The following THEMIS variants were observed in gnomAD, a reference collection of about 807,000 sequenced individuals.
The protein encoded by THEMIS is protein THEMIS.
A neutral mutation model predicts 52.6 loss-of-function variants in THEMIS; 37 were observed. The observed-to-expected ratio is 0.70, with a 90% CI of 0.54 to 0.93. The LOEUF is 0.93. Ranked by LOEUF, THEMIS falls within the 40% of genes least tolerant of loss-of-function variation. THEMIS has a pLI of 0.00. For synonymous variants in THEMIS, 292 were observed against 272.7 expected (o/e 1.07, Z -0.70); for missense variants, 808 against 763.1 (o/e 1.06, Z -0.69).
intron 2 of THEMIS, among the ~76,000 whole-genome samples, chr6:127,847,935 T>C (rs1248777796): frequency 6.7e-6 from 1 of 149,346 alleles, no homozygotes; most frequent in Non-Finnish European, 1.5e-5. Flanking sequence ...TATTTTATTA[T>C]ACTTTAAGTT....
At chr6:127,861,031 T>C (rs1249032228) in intron 1 of THEMIS, among the ~76,000 whole-genome samples, 3 of 152,162 alleles carry the variant, frequency 2.0e-5, no homozygotes, top group East Asian at 1.9e-4. Flanking sequence ...TTATCTATGA[T>C]TGTGGAACAA....
At chr6:127,728,270 C>A (rs1774623470) in intron 4 of THEMIS, among the ~76,000 whole-genome samples, 1 of 152,166 alleles carries the variant, frequency 6.6e-6, no homozygotes. Context: ...CACTGCTCTT[C>A]CCTCTAGGTC....
chr6:127,816,287 G>T (rs72971392), intron 3 of THEMIS, among the ~76,000 whole-genome samples: 4 of 151,792 alleles, frequency 2.6e-5, no homozygotes, highest in Non-Finnish European at 4.4e-5. Flanking sequence ...CTACACCCAC[G>T]CCTACACTGA....
At chr6:127,868,072 C>T (rs1780039054) in intron 1 of THEMIS, among the ~76,000 whole-genome samples, 1 of 152,090 alleles carries the variant, frequency 6.6e-6, no homozygotes, top group African/African-American at 2.4e-5. Flanking sequence ...GTAATTACTT[C>T]ACCTGTAAAA....
chr6:127,701,131 C>T, the THEMIS span, among the ~76,000 whole-genome samples: 2 of 152,022 alleles, frequency 1.3e-5, no homozygotes, highest in African/African-American at 2.4e-5. Flanking sequence ...TCTCATCACC[C>T]CAGAGACCAC....
At chr6:127,702,804 A>G in the THEMIS span, among the ~76,000 whole-genome samples, 24 of 152,090 alleles carry the variant, frequency 1.6e-4, no homozygotes, top group Admixed American at 1.4e-3. Flanking sequence ...GTGGCAGACA[A>G]GAGAAGAGAG....
intron 1 of THEMIS, among the ~76,000 whole-genome samples, chr6:127,859,492 T>C (rs191385393): frequency 6.6e-5 from 10 of 152,240 alleles, no homozygotes; most frequent in Middle Eastern, 3.4e-3. Flanking sequence ...TAAAACAGTT[T>C]TTTTTATCAC....
chr6:127,787,082 C>T lies in THEMIS; in HGVS notation c.1758+25801G>A, dbSNP rs1583276930. Among the ~76,000 whole-genome samples the T allele has an allele frequency of 2.0e-5, 3 of 152,296 alleles. No homozygotes were observed. The East Asian group carries it at 5.8e-4, about 29-fold the overall frequency. On this transcript the variant is annotated intron_variant, in intron 4 of 5. Coordinates refer to ENST00000368248, the MANE Select transcript of THEMIS (RefSeq NM_001010923.3). ...GATTTGTCTTTACTCAAGCTGACTC[C>T]CTACTGTCCCCAGGAAAAGCCATAT...
intron 4 of THEMIS, among the ~76,000 whole-genome samples, chr6:127,779,029 C>T (rs542191365): frequency 1.3e-5 from 2 of 152,148 alleles, no homozygotes; most frequent in African/African-American, 4.8e-5. Context: ...ACAACATTAT[C>T]TCTCTCCTGA....
Position 127,829,507 on chromosome 6 carries a change from C to G in THEMIS, c.678G>C (p.Lys226Asn). 6.2e-7 allele frequency: 1 copy of G among 1,609,502 alleles called. No individual in the cohort carries two copies. Among genetic ancestry groups the G allele is most frequent in the Non-Finnish European group, 8.5e-7 (1 of 1,178,162 alleles). The part of the protein sequence containing the change: ...PKDFYGTLIL[K>N]PVYEIQGVMK... ...TCACACCTTGAATTTCATAAACAGG[C>G]TTGAGAATCAGGGTACCATAAAAGT... The change falls in exon 3 of 6, where the codon AAG (lysine) becomes AAC (asparagine). Residue 226 changes from lysine to asparagine, a missense_variant. Coordinates refer to ENST00000368248, the MANE Select transcript of THEMIS (RefSeq NM_001010923.3).
At chr6:127,851,019 C>CA (rs1444650707) in intron 2 of THEMIS, among the ~76,000 whole-genome samples, 20 of 151,230 alleles carry the variant, frequency 1.3e-4, no homozygotes, top group African/African-American at 4.4e-4. Flanking sequence ...ATAACTAGAA[C>CA]AAAAGTATGA....
chr6:127,763,390 C>T (rs1376090056), intron 4 of THEMIS, among the ~76,000 whole-genome samples: 2 of 151,852 alleles, frequency 1.3e-5, no homozygotes, highest in Non-Finnish European at 2.9e-5. Flanking sequence ...TAACATCATC[C>T]CAAACAAAAG....
chr6:127,703,299 G>A (rs530249459), downstream of THEMIS, among the ~76,000 whole-genome samples: 1 of 152,080 alleles, frequency 6.6e-6, no homozygotes, highest in East Asian at 1.9e-4. Flanking sequence ...CGCCCGCCTT[G>A]GCCTCCCAAA....
chr6:127,866,253 A>T (rs1006884564), intron 1 of THEMIS, among the ~76,000 whole-genome samples: 3 of 152,216 alleles, frequency 2.0e-5, no homozygotes, highest in African/African-American at 7.2e-5. Context: ...AAAATACATT[A>T]AATTTTATCA....
At chr6:127,765,520 CA>C (rs1776165914) in intron 4 of THEMIS, among the ~76,000 whole-genome samples, 1 of 151,956 alleles carries the variant, frequency 6.6e-6, no homozygotes, top group Non-Finnish European at 1.5e-5. Flanking sequence ...TTTGTAATGC[CA>C]AATGTAAGGA....
chr6:127,771,043 C>T (rs1409112667), intron 4 of THEMIS, among the ~76,000 whole-genome samples: 1 of 152,156 alleles, frequency 6.6e-6, no homozygotes, highest in Non-Finnish European at 1.5e-5. Context: ...AGCCCAAAAT[C>T]TCCTTATGCT....
chr6:127,819,018 G>T (rs962727697), intron 3 of THEMIS, among the ~76,000 whole-genome samples: 1 of 149,720 alleles, frequency 6.7e-6, no homozygotes, highest in African/African-American at 2.5e-5. Flanking sequence ...TACTATGGAG[G>T]CTGAGACAGG....
intron 2 of THEMIS, among the ~76,000 whole-genome samples, chr6:127,844,618 T>C (rs1269966100): frequency 6.6e-6 from 1 of 151,860 alleles, no homozygotes; most frequent in Admixed American, 6.6e-5. Context: ...TTCATAAAAA[T>C]GGTATTGAAA....
In THEMIS at chr6:127,867,638, A is replaced by G. The variant is rs184520242; in HGVS notation, c.92-12450T>C. 2.4e-3 allele frequency among the ~76,000 whole-genome samples: 367 copies of G among 152,238 alleles called. 4 individuals carry two copies. Among genetic ancestry groups the G allele is most frequent in the South Asian group, 2.7e-3 (13 of 4,826 alleles). On this transcript the variant is annotated intron_variant, in intron 1 of 5. Coordinates refer to ENST00000368248, the MANE Select transcript of THEMIS (RefSeq NM_001010923.3). ...GGCCACATTAAGATTCAAGAAAGCTACACAATATCATCTTTAGCTGAAACT... is the reference window on the plus strand; with the variant it reads ...GGCCACATTAAGATTCAAGAAAGCTGCACAATATCATCTTTAGCTGAAACT...
Sources: gnomAD v4.1 joint callset for allele counts (sites outside exome capture counted in the v4.1 genomes callset) on GRCh38, gnomAD v4.1.1 for gene constraint, MANE v1.5 for transcripts, NCBI Gene and HGNC (gene_info 2026-07-23, HGNC 2026-07-21) for gene names.